APEH: variants seen among roughly 807,000 people sequenced by gnomAD.
APEH encodes the protein acylaminoacyl-peptide hydrolase.
APEH carries 75 observed loss-of-function variants against 102.7 expected under a neutral mutation model. The ratio of observed to expected loss-of-function variants is 0.73; its 90% confidence interval spans 0.61 to 0.89. The LOEUF (loss-of-function observed/expected upper bound fraction) is 0.89. APEH is among the 40% of genes least tolerant of loss of function. The pLI is 0.00. For missense variants in APEH, 863 were observed against 941.2 expected (o/e 0.92, Z 1.09); for synonymous variants, 344 against 362.7 (o/e 0.95, Z 0.59).
intron 11 of APEH, among the ~76,000 whole-genome samples, chr3:49,678,099 G>A (rs1000307460): frequency 2.0e-5 from 3 of 152,160 alleles, no homozygotes; most frequent in Non-Finnish European, 2.9e-5. Flanking sequence ...CCTGAAGTCA[G>A]CTGGGTCTTC....
intron 18 of APEH, 36 bp from the exon 19 acceptor site, chr3:49,682,510 G>T: frequency 6.2e-7 from 1 of 1,612,934 alleles, no homozygotes. Context: ...AGCTGAGCGG[G>T]CAGCTGGCTG....
At chr3:49,673,410 A>C (rs1046581231), upstream of APEH, among the ~76,000 whole-genome samples, 1 of 152,050 alleles carries the variant, frequency 6.6e-6, no homozygotes, top group Non-Finnish European at 1.5e-5. Flanking sequence ...TGAGCCCACC[A>C]GGCCTTTCAC....
Position 49,678,775 on chromosome 3 carries a change from A to C in APEH, c.1061-77A>C. ...GAGTAGGGCCCTGGGTGAATTCCCC[A>C]GTACCCTAGCCTTCCTTGTAGACTA... On this transcript the variant is annotated intron_variant, in intron 11 of 21. Transcript: ENST00000296456. 12 of 1,263,930 alleles carry C rather than the reference A, an allele frequency of 9.5e-6. 1 individual carries two copies. The highest frequency in any genetic ancestry group is 1.1e-5 in the Non-Finnish European group (10 of 871,308). 78.3% of individuals were successfully genotyped at this position (1,263,930 alleles called of 1,614,324 possible). A position where few individuals can be genotyped will look rare whatever the true frequency, so the allele number is the denominator to read the frequency against.
chr3:49,679,651 A>C lies in APEH; in HGVS notation c.1210+7A>C. The C allele has an allele frequency of 6.2e-7, 1 of 1,613,472 alleles. No individual in the cohort carries two copies. The highest frequency in any genetic ancestry group is 8.5e-7 in the Non-Finnish European group (1 of 1,179,538). On this transcript the variant is annotated splice_region_variant and intron_variant, in intron 13 of 21. Coordinates refer to ENST00000296456, the MANE Select transcript of APEH (RefSeq NM_001640.4). The surrounding 1 kb of genome is among the most constrained non-coding windows in gnomAD (Gnocchi z 4.3). ...GTGACCTCCCTCACAGCTGGTGAGC[A>C]AGGCTTTGGGGATGGGGGTAAGGGC...
chr3:49,681,038 G>A (rs1428916524), intron 14 of APEH, 63 bp from the exon 15 acceptor site: 2 of 1,511,160 alleles, frequency 1.3e-6, no homozygotes, highest in African/African-American at 2.8e-5. Context: ...TTCCCACTGT[G>A]GGCAGAAGGG....
Position 49,682,675 on chromosome 3 carries a change from G to C in APEH, c.1822G>C (p.Val608Leu). 6.2e-7 allele frequency: 1 copy of C among 1,613,976 alleles called. No homozygotes were observed. Among genetic ancestry groups the C allele is most frequent in the Non-Finnish European group, 8.5e-7 (1 of 1,180,020 alleles). Residue 608 changes from valine (V) to leucine (L), a missense_variant, in exon 19 of 22, where the codon GTG (valine) becomes CTG (leucine). Coordinates refer to ENST00000296456, the MANE Select transcript of APEH (RefSeq NM_001640.4). Reference sequence around the variant, plus strand: ...GTACCCAGAGACCTACAGGGCCTGCGTGGCCCGGAACCCCGTGATCAACAT... The same window carrying C: ...GTACCCAGAGACCTACAGGGCCTGCCTGGCCCGGAACCCCGTGATCAACAT... Reference protein sequence around the residue: ...GQYPETYRACVARNPVINIAS... With the variant: ...GQYPETYRACLARNPVINIAS...
chr3:49,680,473 G>A, intron 13 of APEH, 68 bp from the exon 14 acceptor site: 1 of 1,416,676 alleles, frequency 7.1e-7, no homozygotes, highest in East Asian at 2.3e-5. Flanking sequence ...CTGGGACTCT[G>A]TTACAGAGAA....
rs1473665791 is a variant in APEH, at chr3:49,681,158, G to A, written c.1357G>A (p.Glu453Lys). 3 of 1,611,094 alleles carry A rather than the reference G, an allele frequency of 1.9e-6. No individual in the cohort carries two copies. The South Asian group carries it at 3.3e-5, about 18-fold the overall frequency. The stretch of plus-strand genomic sequence containing the variant: ...GCAGTCAGTGTTGTGGGTGTCCCTG[G>A]AGGAGGCCGAGCCCATTCCCGACAT... ...KEQSVLWVSL[E>K]EAEPIPDIHW... The change falls in exon 15 of 22, where the codon GAG (glutamate) becomes AAG (lysine). Residue 453 changes from glutamate to lysine, a missense_variant. Glu to Lys is a moderately conservative substitution (Grantham distance 56). Transcript: ENST00000296456.
chr3:49,682,708 A>T lies in APEH; in HGVS notation c.1855A>T (p.Met619Leu). 6.2e-7 allele frequency: 1 copy of T among 1,613,932 alleles called. No homozygotes were observed. The highest frequency in any genetic ancestry group is 8.5e-7 in the Non-Finnish European group (1 of 1,179,998). The change falls in exon 19 of 22, where the codon ATG (methionine) becomes TTG (leucine). Residue 619 changes from methionine (M) to leucine (L), a missense_variant. Transcript: ENST00000296456. ...GAACCCCGTGATCAACATCGCCTCC[A>T]TGTTGGGCTCCACTGACATCCCTGA... is the stretch of plus-strand genomic sequence containing the variant. ...ARNPVINIAS[M>L]LGSTDIPDWC...
chr3:49,681,224 G>A lies in APEH; in HGVS notation c.1423G>A (p.Glu475Lys), dbSNP rs751069737. 6.9e-6 allele frequency: 11 copies of A among 1,599,662 alleles called. No individual in the cohort carries two copies. In the African/African-American group the frequency reaches 1.5e-4, roughly 21 times the overall value. The change falls in exon 15 of 22, where the codon GAG becomes AAG. Residue 475 changes from glutamate to lysine, a missense_variant. Coordinates refer to ENST00000296456, the MANE Select transcript of APEH (RefSeq NM_001640.4). ...IRVLQPPPEQ[E>K]NVQYAGLDFE... ...GGTGCTACAGCCACCCCCAGAGCAAGAGAATGTGCAGTATGGTGAGCTGGG... is the reference window on the plus strand; with the variant it reads ...GGTGCTACAGCCACCCCCAGAGCAAAAGAATGTGCAGTATGGTGAGCTGGG...
At position 49,674,591 on chromosome 3, in the gene APEH, T is replaced by C. The variant is rs1179145786; in HGVS notation, c.115T>C (p.Tyr39His). The C allele has an allele frequency of 6.3e-7, 1 of 1,581,380 alleles. No individual in the cohort carries two copies. The highest frequency in any genetic ancestry group is 8.5e-7 in the Non-Finnish European group (1 of 1,173,310). ...CCTGGGCCCGGAGGTCACCACGCAG[T>C]ACGGCGGCCAATACCGGACGGTGCA... ...ACLGPEVTTQ[Y>H]GGQYRTVHTE... Residue 39 changes from tyrosine to histidine, a missense_variant, in exon 2 of 22, where the codon TAC becomes CAC. Coordinates refer to ENST00000296456, the MANE Select transcript of APEH (RefSeq NM_001640.4).
chr3:49,682,695 C>T lies in APEH; in HGVS notation c.1842C>T (p.Ile614=). 6.2e-7 allele frequency: 1 copy of T among 1,613,994 alleles called. No homozygotes were observed. Among genetic ancestry groups the T allele is most frequent in the South Asian group, 1.1e-5 (1 of 91,084 alleles). The change falls in exon 19 of 22, where the codon ATC becomes ATT. Residue 614 remains isoleucine (I), a synonymous_variant. Coordinates refer to ENST00000296456, the MANE Select transcript of APEH (RefSeq NM_001640.4). ...YRACVARNPV[I]NIASMLGSTD... is the part of the protein sequence containing the mutation. ...CCTGCGTGGCCCGGAACCCCGTGATCAACATCGCCTCCATGTTGGGCTCCA... is the reference window on the plus strand; with the variant it reads ...CCTGCGTGGCCCGGAACCCCGTGATTAACATCGCCTCCATGTTGGGCTCCA...
At chr3:49,676,002 A>C in intron 5 of APEH, 36 bp downstream of exon 5, 1 of 1,614,184 alleles carries the variant, frequency 6.2e-7, no homozygotes, top group South Asian at 1.1e-5. Flanking sequence ...CAGGGTGGAC[A>C]GGAGGGGTAG....
At position 49,676,395 on chromosome 3, in the gene APEH, T is replaced by A. The variant is rs759716643; in HGVS notation, c.624T>A (p.Phe208Leu). Residue 208 changes from phenylalanine to leucine, a missense_variant, in exon 7 of 22, where the codon TTT becomes TTA. Transcript: ENST00000296456. ...GTTCTCAGGGGGATCAGTTTGTGTT[T>A]TATGAAGACTGGGGAGAAAACATGG... ...DQAIKGDQFV[F>L]YEDWGENMVS... The A allele has an allele frequency of 6.2e-7, 1 of 1,614,230 alleles. No individual in the cohort carries two copies. Among genetic ancestry groups the A allele is most frequent in the South Asian group, 1.1e-5 (1 of 91,090 alleles).
chr3:49,673,793 AC>A (rs2052880173), upstream of APEH, among the ~76,000 whole-genome samples: 1 of 144,630 alleles, frequency 6.9e-6, no homozygotes, highest in African/African-American at 2.7e-5. Flanking sequence ...GCCCCGCCCA[AC>A]CCTCACCCTC....
chr3:49,679,565 C>A lies in APEH; in HGVS notation c.1159-28C>A. The A allele has an allele frequency of 1.2e-6, 2 of 1,612,762 alleles. No individual in the cohort carries two copies. The highest frequency in any genetic ancestry group is 2.2e-5 in the South Asian group (2 of 90,978). On this transcript the variant is annotated intron_variant, in intron 12 of 21. Transcript: ENST00000296456. The surrounding 1 kb of genome is among the most constrained non-coding windows in gnomAD (Gnocchi z 4.3). ...TAGAGGGAGTACTCTTGGATGTGGT[C>A]GCACCTGTGGCCTTGCCTCTGCTTC...
At chr3:49,674,686 G>T in intron 2 of APEH, 65 bp downstream of exon 2, 1 of 1,565,416 alleles carries the variant, frequency 6.4e-7, no homozygotes, top group Non-Finnish European at 8.6e-7. Flanking sequence ...GGAAGGGGGT[G>T]TGGAGGGCTC....
intron 15 of APEH, 100 bp from the exon 16 acceptor site, chr3:49,681,622 C>A: frequency 8.7e-7 from 1 of 1,148,178 alleles, no homozygotes; most frequent in Non-Finnish European, 1.2e-6. Context: ...TTGGCCAGGT[C>A]TCTGACCCAG....
chr3:49,679,739 T>C lies in APEH; in HGVS notation c.1210+95T>C. On this transcript the variant is annotated intron_variant, in intron 13 of 21. Transcript: ENST00000296456. The surrounding 1 kb of genome is among the most constrained non-coding windows in gnomAD (Gnocchi z 4.3). ...GGAGCTCCAACATGTGGGGCAGTGA[T>C]GGCATTCTCAGCCACTCAGCACCAC... The C allele has an allele frequency of 7.6e-7, 1 of 1,318,982 alleles. No individual in the cohort carries two copies. Among genetic ancestry groups the C allele is most frequent in the Non-Finnish European group, 1.1e-6 (1 of 922,010 alleles). The allele number at this position is 1,318,982 out of a possible 1,614,324, so 81.7% of individuals were successfully genotyped here.
Sources: gnomAD v4.1 joint callset for allele counts (sites outside exome capture counted in the v4.1 genomes callset) on GRCh38, gnomAD v4.1.1 for gene constraint, Gnocchi (gnomAD v3.1) non-coding constraint, MANE v1.5 for transcripts, NCBI Gene and HGNC (gene_info 2026-07-23, HGNC 2026-07-21) for gene names.